The following PSMC1 variants were observed in gnomAD, a reference collection of about 807,000 sequenced individuals.
The protein encoded by PSMC1 is proteasome 26S subunit, ATPase 1.
In PSMC1, 5 loss-of-function variants were observed where a neutral mutation model predicts 49.8. The ratio of observed to expected loss-of-function variants is 0.10; its 90% CI spans 0.05 to 0.21. The LOEUF (loss-of-function observed/expected upper bound fraction) is 0.21, where lower values mean the gene tolerates loss of function less well. PSMC1 is among the 10% of genes least tolerant of loss of function. PSMC1 has a pLI of 1.00. For missense variants in PSMC1, 181 were observed against 535.7 expected, an observed-to-expected ratio of 0.34 and a Z score of 6.54; for synonymous variants, 155 against 192.1, an observed-to-expected ratio of 0.81 and a Z score of 1.60.
chr14:90,263,962 C>T (rs112729864), intron 5 of PSMC1, 79 bp from the exon 6 acceptor site: 1 of 1,579,208 alleles, frequency 6.3e-7, no homozygotes, highest in African/African-American at 1.4e-5. Flanking sequence ...CAGAAGGATG[C>T]CATGACTGGC....
At chr14:90,271,744 C>G (rs1272396156) in intron 10 of PSMC1, 1 of 152,262 alleles carries the variant, frequency 6.6e-6, no homozygotes, top group Non-Finnish European at 1.5e-5. Flanking sequence ...ACCCTTGGGT[C>G]AGTCTTAGTT....
chr14:90,261,865 C>T (rs1042608678), intron 3 of PSMC1, among the ~76,000 whole-genome samples: 6 of 150,406 alleles, frequency 4.0e-5, no homozygotes, highest in Middle Eastern at 3.4e-3. Context: ...ATGTTTATTG[C>T]GGCACTATTC....
chr14:90,260,983 A>ATGC (rs1275062091), intron 3 of PSMC1, among the ~76,000 whole-genome samples: 1 of 152,238 alleles, frequency 6.6e-6, no homozygotes, highest in East Asian at 1.9e-4. Flanking sequence ...ATGAAATGAA[A>ATGC]TGCCACTGTA....
rs761561058 is a variant in PSMC1, at chr14:90,259,207, T to C, written c.51T>C (p.Asp17=). 6.2e-7 allele frequency: 1 copy of C among 1,613,950 alleles called. No individual in the cohort carries two copies. The highest frequency in any genetic ancestry group is 1.1e-5 in the South Asian group (1 of 91,056). The change falls in exon 2 of 11, where the codon GAT becomes GAC. Residue 17 remains aspartate (D), a synonymous_variant. Transcript: ENST00000261303. ...ATGGTCCTGGAGGTGGCAAGAAGGA[T>C]GACAAGGTAAATATGCCAGATTTGT... The part of the protein sequence containing the change: ...GGHGPGGGKK[D]DKDKKKKYEP...
intron 3 of PSMC1, among the ~76,000 whole-genome samples, chr14:90,261,588 C>T (rs1182331367): frequency 1.3e-5 from 2 of 152,152 alleles, no homozygotes; most frequent in Non-Finnish European, 2.9e-5. Context: ...ATCAAAACTA[C>T]AATGAGATAC....
At chr14:90,258,502 A>G (rs764279765) in intron 1 of PSMC1, among the ~76,000 whole-genome samples, 1 of 152,194 alleles carries the variant, frequency 6.6e-6, no homozygotes, top group Non-Finnish European at 1.5e-5. Flanking sequence ...CTCAGTGTTA[A>G]GCATTGTCCT....
At chr14:90,257,381 A>C (rs1313553170) in intron 1 of PSMC1, among the ~76,000 whole-genome samples, 1 of 152,086 alleles carries the variant, frequency 6.6e-6, no homozygotes, top group South Asian at 2.1e-4. Context: ...TTGTATAGAA[A>C]GGGATAGCTT....
chr14:90,269,665 A>C, intron 9 of PSMC1, 117 bp downstream of exon 9: 2 of 1,188,908 alleles, frequency 1.7e-6, no homozygotes, highest in South Asian at 3.1e-5. Context: ...AGTGAAACTT[A>C]GGATAATTTA....
At chr14:90,258,657 A>G (rs756012348) in intron 1 of PSMC1, among the ~76,000 whole-genome samples, 36 of 152,340 alleles carry the variant, frequency 2.4e-4, no homozygotes, top group Non-Finnish European at 4.7e-4. Context: ...GGAATTGGAT[A>G]AGGTGCTATT....
chr14:90,267,045 G>A (rs1029894308), intron 7 of PSMC1, among the ~76,000 whole-genome samples: 3 of 152,014 alleles, frequency 2.0e-5, no homozygotes, highest in Non-Finnish European at 4.4e-5. Context: ...CCCTTGTCAA[G>A]GTCCTCACTG....
At chr14:90,264,317 T>C (rs146869048) in intron 6 of PSMC1, 148 bp downstream of exon 6, 2 of 1,110,806 alleles carry the variant, frequency 1.8e-6, no homozygotes, top group East Asian at 5.3e-5. Context: ...ATTTTTGTAT[T>C]TGTTAATACT....
chr14:90,263,586 G>A, intron 4 of PSMC1, 76 bp from the exon 5 acceptor site: 1 of 1,535,776 alleles, frequency 6.5e-7, no homozygotes, highest in Non-Finnish European at 8.9e-7. Flanking sequence ...CGGCTGCTTT[G>A]TAAATCTAGC....
At chr14:90,262,448 GAA>G (rs1891418597) in intron 3 of PSMC1, among the ~76,000 whole-genome samples, 1 of 152,100 alleles carries the variant, frequency 6.6e-6, no homozygotes, top group Non-Finnish European at 1.5e-5. Flanking sequence ...CCTTAGGGAA[GAA>G]GACAGTTTTT....
chr14:90,262,247 T>A (rs1420186389), intron 3 of PSMC1, among the ~76,000 whole-genome samples: 1 of 151,098 alleles, frequency 6.6e-6, no homozygotes, highest in Non-Finnish European at 1.5e-5. Flanking sequence ...TGTATGCATA[T>A]GTAACAAACC....
chr14:90,257,600 T>A (rs184636126), intron 1 of PSMC1, among the ~76,000 whole-genome samples: 53 of 152,302 alleles, frequency 3.5e-4, no homozygotes, highest in Admixed American at 5.2e-4. Context: ...AGGTCTTTTT[T>A]ATTTTAATTT....
In PSMC1 at chr14:90,275,112, G is replaced by A. The variant is rs1482643154; in HGVS notation, c.*2705G>A. The A allele has an allele frequency of 6.6e-6, 1 of 152,174 alleles. No individual in the cohort carries two copies. The highest frequency in any genetic ancestry group is 1.5e-5 in the Non-Finnish European group (1 of 68,058). The allele number at this position is 152,174 out of a possible 1,614,324, so 9.4% of individuals were successfully genotyped here. A position where few individuals can be genotyped will look rare whatever the true frequency, so the allele number is the denominator to read the frequency against. On this transcript the variant is annotated 3_prime_UTR_variant, in exon 11 of 11. Coordinates refer to ENST00000261303, the MANE Select transcript of PSMC1 (RefSeq NM_002802.3). ...GAAACACCAGGCAAACACAAACTGAGGAACATTCTACAAATTCAGAACACT... is the reference window on the plus strand; with the variant it reads ...GAAACACCAGGCAAACACAAACTGAAGAACATTCTACAAATTCAGAACACT...
At chr14:90,263,974 T>C (rs1729911784) in intron 5 of PSMC1, 67 bp from the exon 6 acceptor site, 3 of 1,581,324 alleles carry the variant, frequency 1.9e-6, no homozygotes, top group African/African-American at 1.4e-5. Context: ...ATGACTGGCA[T>C]TGCTTTGCTG....
chr14:90,257,181 AAAC>A (rs1235212208), intron 1 of PSMC1, among the ~76,000 whole-genome samples: 38 of 148,946 alleles, frequency 2.6e-4, no homozygotes, highest in African/African-American at 9.3e-4. Context: ...TCAATTCACT[AAAC>A]AAGTATTTAC....
intron 5 of PSMC1, 49 bp downstream of exon 5, chr14:90,263,896 T>C (rs1400602681): frequency 6.2e-7 from 1 of 1,606,334 alleles, no homozygotes; most frequent in East Asian, 2.2e-5. Flanking sequence ...CTTTCTCTTC[T>C]CACTTAGGTT....
Sources: allele counts gnomAD v4.1 joint callset (sites outside exome capture counted in the v4.1 genomes callset), GRCh38; gene constraint gnomAD v4.1.1; transcripts MANE v1.5; gene names NCBI Gene and HGNC (gene_info 2026-07-23, HGNC 2026-07-21).